The following ERICH1 variants were observed in gnomAD, a reference collection of about 807,000 sequenced individuals.
ERICH1 encodes the protein glutamate-rich protein 1.
Under a neutral mutation model 39.6 loss-of-function variants are expected in ERICH1, and 56 were observed. The ratio of observed to expected loss-of-function variants is 1.41; its 90% CI spans 1.14 to 1.77. ERICH1 has a LOEUF of 1.77. ERICH1 is among the 40% of genes most tolerant of loss of function. The pLI, the probability that ERICH1 is intolerant of heterozygous loss-of-function variation, is 0.00. For missense variants in ERICH1, 826 were observed against 575.4 expected (o/e 1.44, Z -4.45); for synonymous variants, 313 against 223.6 (o/e 1.40, Z -3.57).
rs1255239361 is a variant in ERICH1, at chr8:674,029, T to C, written c.323A>G (p.Gln108Arg). ...DDTEDQDPHDQPKRRRIRKHK... is the reference protein window; with the variant it reads ...DDTEDQDPHDRPKRRRIRKHK... ...CTTCCTAATTCTTCTTCTCTTTGGC[T>C]GGTCATGAGGATCCTGATCTGTTAA... Residue 108 changes from glutamine (Q) to arginine (R), a missense_variant, in exon 4 of 6, where the codon CAG (glutamine) becomes CGG (arginine). Transcript: ENST00000262109. 1 of 1,563,628 alleles carries C rather than the reference T, an allele frequency of 6.4e-7. No homozygotes were observed. Among genetic ancestry groups the C allele is most frequent in the Non-Finnish European group, 8.6e-7 (1 of 1,168,428 alleles).
chr8:624,674 G>C (rs1401173109), intron 3 of ERICH1, among the ~76,000 whole-genome samples: 2 of 152,066 alleles, frequency 1.3e-5, no homozygotes, highest in East Asian at 1.9e-4. Flanking sequence ...GCAGGAGGAA[G>C]AGAGTAAAGG....
intron 5 of ERICH1, chr8:668,268 CA>C: frequency 5.9e-6 from 2 of 338,120 alleles, no homozygotes; most frequent in Admixed American, 9.3e-5. Context: ...AAAAATTTAC[CA>C]TCTACCACAG....
At chr8:728,822 T>C (rs566241568) in intron 1 of ERICH1, among the ~76,000 whole-genome samples, 3 of 152,282 alleles carry the variant, frequency 2.0e-5, no homozygotes, top group South Asian at 4.1e-4. Context: ...TCAAAGGCAA[T>C]ACATTCTTCT....
At chr8:674,852 T>C (rs1465869488) in intron 3 of ERICH1, among the ~76,000 whole-genome samples, 1 of 152,174 alleles carries the variant, frequency 6.6e-6, no homozygotes, top group Non-Finnish European at 1.5e-5. Flanking sequence ...TAGCATAGGT[T>C]GGTGATGTGC....
intron 2 of ERICH1, among the ~76,000 whole-genome samples, chr8:700,157 G>A (rs1281115133): frequency 8.3e-6 from 1 of 120,442 alleles, no homozygotes; most frequent in Non-Finnish European, 1.7e-5. Context: ...GCACAGACCC[G>A]CACACGCGCA....
intron 2 of ERICH1, among the ~76,000 whole-genome samples, chr8:704,143 CAAG>C (rs1227927871): frequency 3.1e-4 from 47 of 152,294 alleles, no homozygotes; most frequent in African/African-American, 1.1e-3. Flanking sequence ...CTTTTAAGTA[CAAG>C]AATTAAGGTA....
chr8:673,137 A>T (rs1293878763), intron 4 of ERICH1, 152 bp downstream of exon 4: 5 of 981,058 alleles, frequency 5.1e-6, no homozygotes, highest in Non-Finnish European at 7.3e-6. Context: ...TTTACATTGA[A>T]TATTTTTTAC....
chr8:623,372 A>T (rs1011919378), intron 3 of ERICH1, among the ~76,000 whole-genome samples: 4 of 152,206 alleles, frequency 2.6e-5, no homozygotes, highest in African/African-American at 9.6e-5. Context: ...AACAAACTAG[A>T]AATCGAAGGA....
chr8:685,860 A>G (rs1215931443), intron 3 of ERICH1, among the ~76,000 whole-genome samples: 1 of 152,014 alleles, frequency 6.6e-6, no homozygotes, highest in Non-Finnish European at 1.5e-5. Flanking sequence ...TTTTTCAATA[A>G]CTGACTGGGC....
At chr8:728,728 G>T (rs189654246) in intron 1 of ERICH1, among the ~76,000 whole-genome samples, 1 of 152,266 alleles carries the variant, frequency 6.6e-6, no homozygotes, top group East Asian at 1.9e-4. Context: ...TGCAAAGTAG[G>T]CCCAAGAAAT....
intron 3 of ERICH1, among the ~76,000 whole-genome samples, chr8:681,196 G>A (rs190443383): frequency 2.1e-4 from 32 of 152,218 alleles, no homozygotes; most frequent in Non-Finnish European, 3.8e-4. Flanking sequence ...CACCCAAATC[G>A]CCACGCCCAG....
At chr8:657,685 C>T (rs1163501060) in intron 3 of ERICH1, among the ~76,000 whole-genome samples, 4 of 151,550 alleles carry the variant, frequency 2.6e-5, no homozygotes, top group South Asian at 2.1e-4. Flanking sequence ...TTCAGCTGAA[C>T]GCCAGGGGCG....
At chr8:718,961 C>T (rs200758937) in intron 1 of ERICH1, among the ~76,000 whole-genome samples, 5 of 152,318 alleles carry the variant, frequency 3.3e-5, no homozygotes, top group East Asian at 3.9e-4. Flanking sequence ...CTTCTCTGTG[C>T]GCTCCCATCT....
chr8:696,982 C>T (rs1235938247), intron 2 of ERICH1, among the ~76,000 whole-genome samples: 1 of 152,144 alleles, frequency 6.6e-6, no homozygotes, highest in Non-Finnish European at 1.5e-5. Flanking sequence ...TGTGCTTGCT[C>T]CTCTTACCCT....
intron 2 of ERICH1, among the ~76,000 whole-genome samples, chr8:695,110 C>A (rs1046395648): frequency 6.7e-6 from 1 of 148,868 alleles, no homozygotes; most frequent in Non-Finnish European, 1.5e-5. Flanking sequence ...GTGTCATTGA[C>A]CTGGCTCCTT....
intron 3 of ERICH1, among the ~76,000 whole-genome samples, chr8:677,660 T>A (rs1175206696): frequency 2.0e-5 from 3 of 152,214 alleles, no homozygotes; most frequent in Non-Finnish European, 4.4e-5. Flanking sequence ...GTCTAGGCAA[T>A]CCATTTTAAT....
intron 3 of ERICH1, among the ~76,000 whole-genome samples, chr8:657,291 G>A (rs1358129146): frequency 6.6e-6 from 1 of 152,166 alleles, no homozygotes; most frequent in Admixed American, 6.5e-5. Flanking sequence ...GGGTATTTAA[G>A]AGTTCCGGGA....
chr8:712,183 T>C (rs898479963), intron 2 of ERICH1, among the ~76,000 whole-genome samples: 11 of 152,222 alleles, frequency 7.2e-5, no homozygotes, highest in Non-Finnish European at 1.5e-4. Flanking sequence ...ATCCACAAAA[T>C]AACTTGCTGG....
Position 692,621 on chromosome 8 carries a change from C to T in ERICH1, c.170-9G>A, listed in dbSNP as rs543953491. On this transcript the variant is annotated splice_polypyrimidine_tract_variant and intron_variant, in intron 2 of 5. Coordinates refer to ENST00000262109, the MANE Select transcript of ERICH1 (RefSeq NM_207332.3). ...GGTCTCAGAGCCAGTGTCTGCAACA[C>T]AGGAGGAAAATAACAGGAACTGGTA... is the stretch of plus-strand genomic sequence containing the variant. 8.3e-6 allele frequency: 13 copies of T among 1,567,462 alleles called. No homozygotes were observed. In the East Asian group the frequency reaches 1.9e-4, roughly 22 times the overall value.
Sources: gnomAD v4.1 joint callset for allele counts (sites outside exome capture counted in the v4.1 genomes callset) on GRCh38, gnomAD v4.1.1 for gene constraint, MANE v1.5 for transcripts, NCBI Gene and HGNC (gene_info 2026-07-23, HGNC 2026-07-21) for gene names.